SNTG1: variants seen among roughly 807,000 people sequenced by gnomAD.
The protein encoded by SNTG1 is gamma-1-syntrophin.
Under a neutral mutation model 74.7 loss-of-function variants are expected in SNTG1, and 39 were observed. That is an observed-to-expected ratio of 0.52 (90% CI 0.40 to 0.68). The LOEUF is 0.68. Ranked by LOEUF, SNTG1 falls within the 30% of genes least tolerant of loss-of-function variation. The pLI, the probability that SNTG1 is intolerant of heterozygous loss-of-function variation, is 0.00. For synonymous variants in SNTG1, 254 were observed against 217.1 expected, an observed-to-expected ratio of 1.17 and a Z score of -1.49; for missense variants, 685 against 609.5, an observed-to-expected ratio of 1.12 and a Z score of -1.30.
At chr8:50,406,805 G>A (rs1252733871) in intron 4 of SNTG1, among the ~76,000 whole-genome samples, 1 of 152,060 alleles carries the variant, frequency 6.6e-6, no homozygotes, top group Non-Finnish European at 1.5e-5. Context: ...ATGATCATGT[G>A]TGCTTTTTAA....
intron 2 of SNTG1, among the ~76,000 whole-genome samples, chr8:50,219,335 A>G (rs185192515): frequency 6.6e-5 from 10 of 152,322 alleles, no homozygotes; most frequent in Admixed American, 5.9e-4. Context: ...ATCAAATTTT[A>G]TTGATTGTGA....
intron 2 of SNTG1, among the ~76,000 whole-genome samples, chr8:50,221,695 T>A (rs2131993119): frequency 6.6e-6 from 1 of 152,312 alleles, no homozygotes; most frequent in Non-Finnish European, 1.5e-5. Flanking sequence ...GGACACATAA[T>A]AGTTGCATTT....
At chr8:50,687,835 C>A (rs2095359457) in intron 15 of SNTG1, among the ~76,000 whole-genome samples, 1 of 151,782 alleles carries the variant, frequency 6.6e-6, no homozygotes, top group South Asian at 2.1e-4. Context: ...GGTTTTTTGT[C>A]CTTGCGATAT....
intron 4 of SNTG1, 107 bp downstream of exon 4, chr8:50,402,451 A>G (rs1375343464): frequency 2.3e-6 from 3 of 1,292,048 alleles, no homozygotes; most frequent in Non-Finnish European, 3.2e-6. Context: ...TGTCTAGTCA[A>G]TGGTTCTGCA....
chr8:50,229,187 A>T (rs1743597366), intron 2 of SNTG1, among the ~76,000 whole-genome samples: 1 of 151,604 alleles, frequency 6.6e-6, no homozygotes, highest in South Asian at 2.1e-4. Context: ...ACTAAGACAG[A>T]AAAAGAGGGG....
At chr8:50,107,787 G>A (rs1398691304) in intron 1 of SNTG1, among the ~76,000 whole-genome samples, 1 of 152,068 alleles carries the variant, frequency 6.6e-6, no homozygotes, top group Non-Finnish European at 1.5e-5. Context: ...CTGACCTCAA[G>A]TGATCTGCCC....
At chr8:50,333,365 T>C (rs1344264291) in intron 2 of SNTG1, among the ~76,000 whole-genome samples, 1 of 152,278 alleles carries the variant, frequency 6.6e-6, no homozygotes, top group African/African-American at 2.4e-5. Context: ...AGTATTTTCC[T>C]GACATTTTTG....
intron 17 of SNTG1, among the ~76,000 whole-genome samples, chr8:50,734,965 C>G (rs56954288): frequency 1.7e-5 from 1 of 58,850 alleles, no homozygotes; most frequent in African/African-American, 1.6e-4. Flanking sequence ...ATCTATATAT[C>G]CATATATATC....
At chr8:50,018,110 TC>T (rs1439159291) in intron 1 of SNTG1, among the ~76,000 whole-genome samples, 3 of 152,006 alleles carry the variant, frequency 2.0e-5, no homozygotes. Context: ...AATCTACAGA[TC>T]CTACATAATC....
chr8:50,292,474 C>A (rs544532678), intron 2 of SNTG1, among the ~76,000 whole-genome samples: 4 of 152,010 alleles, frequency 2.6e-5, no homozygotes, highest in Non-Finnish European at 5.9e-5. Flanking sequence ...TTAAATCTCT[C>A]TGATTGAAGT....
chr8:50,618,235 C>G (rs910259242), intron 13 of SNTG1, among the ~76,000 whole-genome samples: 3 of 152,088 alleles, frequency 2.0e-5, no homozygotes, highest in Non-Finnish European at 4.4e-5. Flanking sequence ...TTAGAAATAC[C>G]TAAATATACC....
chr8:50,758,999 C>A (rs2095589404), intron 18 of SNTG1, among the ~76,000 whole-genome samples: 1 of 152,082 alleles, frequency 6.6e-6, no homozygotes, highest in African/African-American at 2.4e-5. Context: ...TTAATGATCA[C>A]CATTCTAACT....
At chr8:50,517,682 A>C (rs2094145930) in intron 9 of SNTG1, among the ~76,000 whole-genome samples, 3 of 152,068 alleles carry the variant, frequency 2.0e-5, no homozygotes, top group Admixed American at 2.0e-4. Context: ...CAGACTTTAA[A>C]CCAACAAAGA....
chr8:50,669,868 G>C (rs2095270776), intron 15 of SNTG1, among the ~76,000 whole-genome samples: 1 of 152,152 alleles, frequency 6.6e-6, no homozygotes, highest in Admixed American at 6.6e-5. Context: ...TCATCCCTGG[G>C]ATGCAAGGCT....
chr8:50,574,074 T>C (rs930589248), intron 12 of SNTG1, among the ~76,000 whole-genome samples: 6 of 152,010 alleles, frequency 3.9e-5, no homozygotes, highest in Admixed American at 2.0e-4. Flanking sequence ...TCTCAACCCA[T>C]TTATGCCTAG....
rs533163014 is a variant in SNTG1, at chr8:50,104,177, A to G, written c.-102-68384A>G. Among the ~76,000 whole-genome samples, 5 of 152,266 alleles carry G rather than the reference A, an allele frequency of 3.3e-5. No individual in the cohort carries two copies. In the East Asian group the frequency reaches 9.7e-4, roughly 29 times the overall value. Reference sequence around the variant, plus strand: ...GTACCTCTGGTAGAATTCAGCTGTGAATCCATCTGGTCTTGGACTCTTTTT... The same window carrying G: ...GTACCTCTGGTAGAATTCAGCTGTGGATCCATCTGGTCTTGGACTCTTTTT... On this transcript the variant is annotated intron_variant, in intron 1 of 18. Transcript: ENST00000642720.
intron 1 of SNTG1, among the ~76,000 whole-genome samples, chr8:50,006,495 T>G (rs1017932710): frequency 6.6e-6 from 1 of 152,240 alleles, no homozygotes; most frequent in African/African-American, 2.4e-5. Flanking sequence ...TTAATTGTGT[T>G]CTGCCTTTTG....
At chr8:50,496,500 C>T (rs2093905586) in intron 8 of SNTG1, among the ~76,000 whole-genome samples, 2 of 152,100 alleles carry the variant, frequency 1.3e-5, no homozygotes, top group African/African-American at 4.8e-5. Context: ...CTAAATTCCT[C>T]CTTAGAATCT....
intron 1 of SNTG1, among the ~76,000 whole-genome samples, chr8:50,013,464 G>GAGAT (rs56718258): frequency 0.069 from 10,237 of 148,460 alleles, 369 homozygotes; most frequent in East Asian, 0.12. Context: ...TGGGGATAGA[G>GAGAT]AGATAGATAG....
Sources: gnomAD v4.1 joint callset for allele counts (sites outside exome capture counted in the v4.1 genomes callset) on GRCh38, gnomAD v4.1.1 for gene constraint, MANE v1.5 for transcripts, NCBI Gene and HGNC (gene_info 2026-07-23, HGNC 2026-07-21) for gene names.